KCNMA1: variants seen among roughly 807,000 people sequenced by gnomAD.
The protein encoded by KCNMA1 is Calcium-activated potassium channel subunit alpha-1.
A neutral mutation model predicts 140.0 loss-of-function variants in KCNMA1; 29 were observed. The observed-to-expected ratio is 0.21, with a 90% CI of 0.15 to 0.28. The LOEUF (loss-of-function observed/expected upper bound fraction) is 0.28. Ranked by LOEUF, KCNMA1 falls within the 10% of genes least tolerant of loss-of-function variation. KCNMA1 has a pLI of 1.00. For synonymous variants in KCNMA1, 612 were observed against 611.9 expected (o/e 1.00, Z 0.00); for missense variants, 880 against 1,602.2 (o/e 0.55, Z 7.70).
intron 1 of KCNMA1, among the ~76,000 whole-genome samples, chr10:77,588,864 A>G (rs2078097777): frequency 6.6e-6 from 1 of 152,228 alleles, no homozygotes; most frequent in Admixed American, 6.5e-5. Flanking sequence ...ACTACCAGCA[A>G]GAAACAAGAA....
At chr10:77,272,004 C>A (rs1216067626) in intron 2 of KCNMA1, among the ~76,000 whole-genome samples, 1 of 152,184 alleles carries the variant, frequency 6.6e-6, no homozygotes, top group Non-Finnish European at 1.5e-5. Context: ...TCCTACAAGG[C>A]CTTTCCTGAC....
intron 2 of KCNMA1, among the ~76,000 whole-genome samples, chr10:77,258,245 A>G (rs539467831): frequency 1.1e-4 from 17 of 152,238 alleles, no homozygotes; most frequent in Admixed American, 2.0e-4. Context: ...ACATGCTGAC[A>G]ATATGCCTGT....
intron 1 of KCNMA1, among the ~76,000 whole-genome samples, chr10:77,537,673 T>A (rs574636248): frequency 1.5e-4 from 23 of 152,066 alleles, no homozygotes; most frequent in Non-Finnish European, 2.5e-4. Context: ...GAAAAAAAAA[T>A]TTTAAAGAAT....
At chr10:77,552,867 G>A (rs2063195734) in intron 1 of KCNMA1, among the ~76,000 whole-genome samples, 1 of 152,100 alleles carries the variant, frequency 6.6e-6, no homozygotes, top group Admixed American at 6.5e-5. Context: ...TGGCCAACAT[G>A]GTGAAACCCT....
chr10:77,010,278 A>G (rs2090378784), intron 18 of KCNMA1, among the ~76,000 whole-genome samples: 1 of 151,896 alleles, frequency 6.6e-6, no homozygotes, highest in African/African-American at 2.4e-5. Flanking sequence ...GATTCAGGAG[A>G]TGTCTGGTCA....
intron 1 of KCNMA1, among the ~76,000 whole-genome samples, chr10:77,434,397 A>G (rs1377002739): frequency 5.3e-5 from 8 of 152,162 alleles, no homozygotes; most frequent in Admixed American, 5.2e-4. Context: ...AACAGGGAAG[A>G]TCGTGTTCAG....
intron 2 of KCNMA1, among the ~76,000 whole-genome samples, chr10:77,255,826 T>A (rs36096979): frequency 0.19 from 27,722 of 149,820 alleles, 2,763 homozygotes; most frequent in Middle Eastern, 0.23. Context: ...GGCAGAAGAA[T>A]CTCTTGAACT....
intron 2 of KCNMA1, among the ~76,000 whole-genome samples, chr10:77,324,184 G>T (rs2083194522): frequency 1.3e-5 from 2 of 152,140 alleles, no homozygotes; most frequent in South Asian, 4.1e-4. Context: ...TGAACACTGT[G>T]CCCACTCTCC....
At chr10:76,925,067 A>C (rs555605380) in intron 23 of KCNMA1, among the ~76,000 whole-genome samples, 1 of 152,176 alleles carries the variant, frequency 6.6e-6, no homozygotes, top group East Asian at 1.9e-4. Context: ...TCTCACATTT[A>C]GTTACTTTAT....
intron 1 of KCNMA1, among the ~76,000 whole-genome samples, chr10:77,556,048 T>C (rs118116224): frequency 2.0e-5 from 3 of 152,200 alleles, no homozygotes; most frequent in African/African-American, 4.8e-5. Context: ...AGCTGACATA[T>C]GGTGTGGACA....
intron 1 of KCNMA1, among the ~76,000 whole-genome samples, chr10:77,618,256 C>T (rs2673487): frequency 0.57 from 87,255 of 152,002 alleles, 26,752 homozygotes; most frequent in African/African-American, 0.78. Context: ...ATGAGCAATA[C>T]GTAAACTTCT....
chr10:76,918,536 G>A (rs887896741), intron 23 of KCNMA1, among the ~76,000 whole-genome samples: 2 of 152,168 alleles, frequency 1.3e-5, no homozygotes, highest in African/African-American at 4.8e-5. Context: ...AAAACACAAT[G>A]TGATACCACC....
intron 14 of KCNMA1, among the ~76,000 whole-genome samples, chr10:77,051,496 A>G (rs2153631165): frequency 6.6e-6 from 1 of 152,350 alleles, no homozygotes; most frequent in Non-Finnish European, 1.5e-5. Flanking sequence ...GAATATTTTC[A>G]CAGGAAGTTA....
Position 77,024,654 on chromosome 10 carries a change from T to C in KCNMA1, c.1928+3169A>G, listed in dbSNP as rs568215600. ...ACAGGGTGAAATCACATGGTGAAAA[T>C]TGAGAAACTTCATATTAAGAAATAT... On this transcript the variant is annotated intron_variant, in intron 16 of 27. Coordinates refer to ENST00000286628, the MANE Select transcript of KCNMA1 (RefSeq NM_001161352.2). Among the ~76,000 whole-genome samples the C allele has an allele frequency of 1.9e-4, 29 of 152,024 alleles. No homozygotes were observed. In the East Asian group the frequency reaches 2.5e-3, roughly 13 times the overall value.
chr10:77,019,334 C>CA, intron 16 of KCNMA1: 1 of 531,464 alleles, frequency 1.9e-6, no homozygotes, highest in Non-Finnish European at 3.4e-6. Context: ...TTGAGGAAAT[C>CA]AAAGCAAATC....
chr10:77,422,556 G>A (rs1011794006), intron 1 of KCNMA1, among the ~76,000 whole-genome samples: 3 of 152,146 alleles, frequency 2.0e-5, no homozygotes, highest in African/African-American at 7.2e-5. Flanking sequence ...ACCTGTAATG[G>A]GTTGCAGTGT....
At chr10:77,284,895 C>G (rs942779312) in intron 2 of KCNMA1, among the ~76,000 whole-genome samples, 1 of 152,016 alleles carries the variant, frequency 6.6e-6, no homozygotes, top group East Asian at 1.9e-4. Flanking sequence ...TTAAAGAACT[C>G]TCAAATTAAG....
chr10:76,965,667 G>A (rs1001676943), intron 20 of KCNMA1, among the ~76,000 whole-genome samples: 1 of 152,096 alleles, frequency 6.6e-6, no homozygotes, highest in African/African-American at 2.4e-5. Context: ...CTGTCCCTAT[G>A]TCTTCCATCA....
chr10:77,488,833 T>G (rs1260099296), intron 1 of KCNMA1, among the ~76,000 whole-genome samples: 3 of 152,226 alleles, frequency 2.0e-5, no homozygotes, highest in African/African-American at 4.8e-5. Flanking sequence ...TTCTCCAGAC[T>G]TGGTTTTCCA....
Sources: allele counts gnomAD v4.1 joint callset (sites outside exome capture counted in the v4.1 genomes callset), GRCh38; gene constraint gnomAD v4.1.1; transcripts MANE v1.5; gene names NCBI Gene and HGNC (gene_info 2026-07-23, HGNC 2026-07-21).